Variants in PBRM1 observed in about 807,000 individuals in gnomAD.
The protein encoded by PBRM1 is polybromo 1, also known as protein polybromo-1.
PBRM1 carries 27 observed loss-of-function variants against 194.5 expected under a neutral mutation model. The ratio of observed to expected loss-of-function variants is 0.14; its 90% CI spans 0.10 to 0.19. The LOEUF (loss-of-function observed/expected upper bound fraction) is 0.19. Among genes scored for constraint, PBRM1 ranks in the 10% least tolerant of loss-of-function variants. PBRM1 has a pLI of 1.00. For missense variants in PBRM1, 1,466 were observed against 2,077.2 expected, an observed-to-expected ratio of 0.71 and a Z score of 5.72; for synonymous variants, 655 against 693.2, an observed-to-expected ratio of 0.94 and a Z score of 0.87.
At chr3:52,680,745 T>C (rs933067314), upstream of PBRM1, among the ~76,000 whole-genome samples, 2 of 152,070 alleles carry the variant, frequency 1.3e-5, no homozygotes, top group African/African-American at 4.8e-5. Context: ...GCAACCTCCC[T>C]CCACCTCCCA....
chr3:52,545,457 C>T (rs575647383), downstream of PBRM1: 11 of 232,584 alleles, frequency 4.7e-5, no homozygotes, highest in East Asian at 6.1e-5. Flanking sequence ...CTAGTTACCA[C>T]GTAAACCTCA....
Position 52,679,422 on chromosome 3 carries a change from T to C in PBRM1, c.138+152A>G, listed in dbSNP as rs1033204156. 2.0e-5 allele frequency: 13 copies of C among 657,276 alleles called. No homozygotes were observed. In the African/African-American group the frequency reaches 2.2e-4, roughly 11 times the overall value. The allele number at this position is 657,276 out of a possible 1,614,324, so 40.7% of individuals were successfully genotyped here. A position where few individuals can be genotyped will look rare whatever the true frequency, so the allele number is the denominator to read the frequency against. On this transcript the variant is annotated intron_variant, in intron 1 of 29. Transcript: ENST00000296302. ...TCACACTATTACTCTAAGACTTAGC[T>C]GAATACATAATGTTCATAAAAGAAA...
intron 2 of PBRM1, among the ~76,000 whole-genome samples, chr3:52,676,302 G>C (rs1055828139): frequency 1.3e-5 from 2 of 152,124 alleles, no homozygotes; most frequent in Non-Finnish European, 2.9e-5. Context: ...AGCTTGAATT[G>C]TTATCTCCTA....
upstream of PBRM1, chr3:52,679,749 T>G (rs1197015279): frequency 7.5e-6 from 12 of 1,602,004 alleles, no homozygotes; most frequent in Non-Finnish European, 1.0e-5. Context: ...ATCAGCCATG[T>G]TCTTACATTT....
intron 2 of PBRM1, among the ~76,000 whole-genome samples, chr3:52,677,847 G>A (rs2097139686): frequency 6.6e-6 from 1 of 152,150 alleles, no homozygotes. Flanking sequence ...ACAGGCGTGA[G>A]CCACTGTGCC....
In PBRM1 at chr3:52,603,426, A is replaced by T. The variant is rs1206781317; in HGVS notation, c.2779+95T>A. 3.1e-6 allele frequency: 4 copies of T among 1,310,300 alleles called. No individual in the cohort carries two copies. The African/African-American group carries it at 6.0e-5, about 20-fold the overall frequency. 81.2% of individuals were successfully genotyped at this position (1,310,300 alleles called of 1,614,324 possible). A position where few individuals can be genotyped will look rare whatever the true frequency, so the allele number is the denominator to read the frequency against. On this transcript the variant is annotated intron_variant, in intron 17 of 29. Coordinates refer to ENST00000296302, the Ensembl canonical transcript of PBRM1. Reference sequence around the variant, plus strand: ...AATATAGTCAATACCCTGAGTTTTCATTCATACAAACAGGACTCTTTTCCA... The same window carrying T: ...AATATAGTCAATACCCTGAGTTTTCTTTCATACAAACAGGACTCTTTTCCA...
intron 22 of PBRM1, among the ~76,000 whole-genome samples, chr3:52,575,445 A>G (rs1490895217): frequency 2.6e-5 from 4 of 151,800 alleles, no homozygotes; most frequent in African/African-American, 9.7e-5. Flanking sequence ...CAAAATGAAC[A>G]GAAATTGTTC....
At chr3:52,611,697 C>T (rs112347076) in intron 15 of PBRM1, among the ~76,000 whole-genome samples, 11,009 of 151,618 alleles carry the variant, frequency 0.073, 931 homozygotes, top group African/African-American at 0.21. Flanking sequence ...CCCAGCTACC[C>T]GAGAGGCTAA....
intron 22 of PBRM1, among the ~76,000 whole-genome samples, chr3:52,572,862 T>C (rs1308198140): frequency 1.3e-5 from 2 of 152,198 alleles, no homozygotes; most frequent in African/African-American, 4.8e-5. Flanking sequence ...TTACATTTAA[T>C]AGTGGTTAGA....
At chr3:52,643,398 T>C (rs1255540595) in intron 8 of PBRM1, 55 bp from the exon 10 acceptor site, 5 of 1,105,030 alleles carry the variant, frequency 4.5e-6, no homozygotes, top group Non-Finnish European at 7.0e-6. Context: ...ATTAGAGTGC[T>C]GGGTAAACAA....
chr3:52,573,674 C>T lies in PBRM1; in HGVS notation c.3691+2867G>A, dbSNP rs189257143. Among the ~76,000 whole-genome samples, 7 of 152,254 alleles carry T rather than the reference C, an allele frequency of 4.6e-5. No homozygotes were observed. In the East Asian group the frequency reaches 1.2e-3, roughly 25 times the overall value. On this transcript the variant is annotated intron_variant, in intron 22 of 29. Coordinates refer to ENST00000296302, the Ensembl canonical transcript of PBRM1. ...TCAGTGAATATGGAGGAGTAGTGAG[C>T]TCTAAGGGCCATTACTTCACAGAAA...
chr3:52,639,494 T>C (rs2095983209), intron 10 of PBRM1, among the ~76,000 whole-genome samples: 2 of 151,940 alleles, frequency 1.3e-5, no homozygotes, highest in Non-Finnish European at 2.9e-5. Context: ...CGACTCATTG[T>C]AGCCTCAACC....
chr3:52,567,811 T>C (rs937693102), intron 22 of PBRM1, among the ~76,000 whole-genome samples: 1 of 147,520 alleles, frequency 6.8e-6, no homozygotes, highest in African/African-American at 2.5e-5. Context: ...TTTGTGTTTT[T>C]TTTTTTTTTT....
At chr3:52,649,431 A>G (rs1315840532) in intron 6 of PBRM1, among the ~76,000 whole-genome samples, 1 of 152,168 alleles carries the variant, frequency 6.6e-6, no homozygotes, top group African/African-American at 2.4e-5. Context: ...GTCTAGCAGT[A>G]GAGCAGCAAG....
chr3:52,567,334 C>T (rs2085571388), intron 22 of PBRM1, among the ~76,000 whole-genome samples: 1 of 151,792 alleles, frequency 6.6e-6, no homozygotes, highest in Admixed American at 6.6e-5. Context: ...TAAGACATAT[C>T]AATTTGCACG....
At chr3:52,572,153 GT>G (rs1426010002) in intron 22 of PBRM1, among the ~76,000 whole-genome samples, 1 of 126,792 alleles carries the variant, frequency 7.9e-6, no homozygotes, top group Non-Finnish European at 1.7e-5. Context: ...AGGCCCTTTT[GT>G]TTTTCCTTTC....
chr3:52,648,784 T>C (rs192732066), intron 6 of PBRM1, among the ~76,000 whole-genome samples: 162 of 152,326 alleles, frequency 1.1e-3, no homozygotes, highest in Middle Eastern at 3.4e-3. Context: ...TGAATACTAA[T>C]TCTTTAAAGT....
At chr3:52,548,857 C>T (rs1407264586) in intron 29 of PBRM1, among the ~76,000 whole-genome samples, 1 of 152,082 alleles carries the variant, frequency 6.6e-6, no homozygotes, top group African/African-American at 2.4e-5. Flanking sequence ...AATGAGATGA[C>T]CAAAGTTGGT....
chr3:52,554,725 C>T (rs774598352), exon 27 of PBRM1: 15 of 1,549,038 alleles, frequency 9.7e-6, no homozygotes, highest in South Asian at 4.9e-5. Flanking sequence ...AGTTCTTACC[C>T]GGTGGTGGGA....
Sources: allele counts gnomAD v4.1 joint callset (sites outside exome capture counted in the v4.1 genomes callset), GRCh38; gene constraint gnomAD v4.1.1; transcripts MANE v1.5; gene names NCBI Gene and HGNC (gene_info 2026-07-23, HGNC 2026-07-21).